Variants in IMPG1 observed in about 807,000 individuals in gnomAD.
IMPG1 encodes interphotoreceptor matrix proteoglycan 1.
Under a neutral mutation model 92.0 loss-of-function variants are expected in IMPG1, and 85 were observed. The observed-to-expected ratio is 0.92, with a 90% CI of 0.78 to 1.11. The LOEUF is 1.11. Ranked by LOEUF, IMPG1 falls within the 50% of genes least tolerant of loss-of-function variation. The pLI is 0.00. For missense variants in IMPG1, 1,022 were observed against 956.0 expected (o/e 1.07, Z -0.91); for synonymous variants, 367 against 334.1 (o/e 1.10, Z -1.08).
chr6:76,046,101 AT>A (rs201453335), intron 1 of IMPG1, among the ~76,000 whole-genome samples: 3 of 150,254 alleles, frequency 2.0e-5, no homozygotes, highest in African/African-American at 7.3e-5. Flanking sequence ...AAAAAAAAAA[AT>A]AACCACCTTT....
chr6:75,958,692 C>T (rs1483983195), intron 12 of IMPG1, among the ~76,000 whole-genome samples: 2 of 152,020 alleles, frequency 1.3e-5, no homozygotes, highest in East Asian at 1.9e-4. Flanking sequence ...GTATGCCTCA[C>T]GAAGTTCTCG....
At chr6:75,946,374 T>A (rs769663122) in intron 14 of IMPG1, among the ~76,000 whole-genome samples, 16 of 152,226 alleles carry the variant, frequency 1.1e-4, no homozygotes, top group Non-Finnish European at 2.2e-4. Flanking sequence ...CCTTCTGCTT[T>A]CGTTGTTAGT....
At chr6:76,049,307 T>C (rs1349669599) in intron 1 of IMPG1, among the ~76,000 whole-genome samples, 2 of 152,158 alleles carry the variant, frequency 1.3e-5, no homozygotes, top group African/African-American at 2.4e-5. Flanking sequence ...TGTTTTCCTA[T>C]ATAATGAACC....
intron 7 of IMPG1, among the ~76,000 whole-genome samples, chr6:76,016,755 C>T (rs1051811587): frequency 2.0e-5 from 3 of 152,156 alleles, no homozygotes; most frequent in Admixed American, 6.5e-5. Flanking sequence ...CTCATGGATG[C>T]TTCTATTTTC....
intron 5 of IMPG1, among the ~76,000 whole-genome samples, chr6:76,024,343 T>G: frequency 6.6e-6 from 1 of 152,136 alleles, no homozygotes; most frequent in Non-Finnish European, 1.5e-5. Context: ...TCAAATGAAC[T>G]GGGGAACACA....
chr6:76,048,119 A>G lies in IMPG1; in HGVS notation c.68-5993T>C, dbSNP rs1018063735. Among the ~76,000 whole-genome samples, 6 of 152,330 alleles carry G rather than the reference A, an allele frequency of 3.9e-5. 1 individual carries two copies. The highest frequency in any genetic ancestry group is 1.4e-4 in the African/African-American group (6 of 41,582). The stretch of plus-strand genomic sequence containing the variant: ...AGGATGGCAACTCCCTTGCCCCTCA[A>G]TTATTGTACTTGACAGGCAAAGCCA... On this transcript the variant is annotated intron_variant, in intron 1 of 16. Coordinates refer to ENST00000369950, the MANE Select transcript of IMPG1 (RefSeq NM_001563.4).
intron 1 of IMPG1, among the ~76,000 whole-genome samples, chr6:76,048,818 T>C (rs1034513196): frequency 6.6e-6 from 1 of 152,188 alleles, no homozygotes; most frequent in African/African-American, 2.4e-5. Flanking sequence ...GAAATACCAT[T>C]TGACCATTTG....
intron 7 of IMPG1, among the ~76,000 whole-genome samples, chr6:76,013,820 G>A (rs1209138638): frequency 6.6e-6 from 1 of 152,234 alleles, no homozygotes; most frequent in African/African-American, 2.4e-5. Flanking sequence ...CATTGTTCGT[G>A]TGAAGGACTA....
chr6:75,969,310 C>T (rs905239031), intron 12 of IMPG1, among the ~76,000 whole-genome samples: 1 of 151,944 alleles, frequency 6.6e-6, no homozygotes, highest in African/African-American at 2.4e-5. Flanking sequence ...TTTGAATGCC[C>T]TCACCACAAA....
At chr6:75,942,495 T>C (rs571126935) in intron 14 of IMPG1, among the ~76,000 whole-genome samples, 7 of 152,304 alleles carry the variant, frequency 4.6e-5, no homozygotes, top group African/African-American at 2.4e-5. Context: ...AACTGAAAAG[T>C]CCACACCAGC....
intron 15 of IMPG1, among the ~76,000 whole-genome samples, chr6:75,925,068 A>T (rs1781528062): frequency 6.6e-6 from 1 of 151,762 alleles, no homozygotes; most frequent in Admixed American, 6.6e-5. Flanking sequence ...GCACAGTAGG[A>T]TGACTGTAGT....
chr6:76,042,131 AAAAG>A lies in IMPG1; in HGVS notation c.68-9_68-6del, dbSNP rs764815413. Reference sequence around the variant, plus strand: ...GGTATATGTTAATGGAGATATCTGTAAAAGAAAGATTGATATCCTGGTGAATATA... The same window carrying A: ...GGTATATGTTAATGGAGATATCTGTAAAAGATTGATATCCTGGTGAATATA... On this transcript the variant is annotated splice_region_variant and splice_polypyrimidine_tract_variant and intron_variant, in intron 1 of 16. Coordinates refer to ENST00000369950, the MANE Select transcript of IMPG1 (RefSeq NM_001563.4). The A allele has an allele frequency of 2.8e-5, 39 of 1,389,096 alleles. No individual in the cohort carries two copies. Among genetic ancestry groups the A allele is most frequent in the Middle Eastern group, 1.8e-4 (1 of 5,534 alleles). 86.0% of individuals were successfully genotyped at this position (1,389,096 alleles called of 1,614,324 possible). A position where few individuals can be genotyped will look rare whatever the true frequency, so the allele number is the denominator to read the frequency against.
At chr6:75,982,568 T>TAG (rs1200202636) in intron 12 of IMPG1, among the ~76,000 whole-genome samples, 15 of 150,504 alleles carry the variant, frequency 1.0e-4, no homozygotes. Flanking sequence ...TATCTATATA[T>TAG]CTATATAGAT....
intron 14 of IMPG1, among the ~76,000 whole-genome samples, chr6:75,940,602 T>G (rs9359151): frequency 0.072 from 10,985 of 152,216 alleles, 542 homozygotes; most frequent in Non-Finnish European, 0.1. Context: ...TATTAAAGTT[T>G]AATTTTAAAA....
chr6:76,051,791 C>A (rs185972428), intron 1 of IMPG1, among the ~76,000 whole-genome samples: 1 of 152,204 alleles, frequency 6.6e-6, no homozygotes, highest in African/African-American at 2.4e-5. Flanking sequence ...TCTCTTATCT[C>A]AAATAATTAG....
chr6:75,973,500 G>A (rs1463556232), intron 12 of IMPG1, among the ~76,000 whole-genome samples: 1 of 151,918 alleles, frequency 6.6e-6, no homozygotes, highest in Admixed American at 6.6e-5. Flanking sequence ...TGAGTACTTG[G>A]TACATGCTAG....
At chr6:75,993,729 A>G (rs1782853133) in intron 12 of IMPG1, among the ~76,000 whole-genome samples, 1 of 152,198 alleles carries the variant, frequency 6.6e-6, no homozygotes, top group Admixed American at 6.5e-5. Context: ...ATGATAACTG[A>G]GTGATATATT....
intron 1 of IMPG1, among the ~76,000 whole-genome samples, chr6:76,048,088 C>T (rs1783976481): frequency 6.6e-6 from 1 of 152,174 alleles, no homozygotes; most frequent in Non-Finnish European, 1.5e-5. Context: ...TATTACCTGG[C>T]TCTTGAGGAT....
At chr6:75,926,921 TTGTG>T (rs929032726) in intron 15 of IMPG1, among the ~76,000 whole-genome samples, 9 of 152,202 alleles carry the variant, frequency 5.9e-5, no homozygotes, top group African/African-American at 2.2e-4. Context: ...AAACTGCTCT[TTGTG>T]TGTCAATGGT....
Sources: allele counts gnomAD v4.1 joint callset (sites outside exome capture counted in the v4.1 genomes callset), GRCh38; gene constraint gnomAD v4.1.1; transcripts MANE v1.5; gene names NCBI Gene and HGNC (gene_info 2026-07-23, HGNC 2026-07-21).